MEGF11: variants seen among roughly 807,000 people sequenced by gnomAD.
The protein encoded by MEGF11 is multiple EGF like domains 11.
MEGF11 carries 126 observed loss-of-function variants against 146.6 expected under a neutral mutation model. The observed-to-expected ratio is 0.86, with a 90% CI of 0.74 to 1.00. MEGF11 has a LOEUF of 1.00. Among genes scored for constraint, MEGF11 ranks in the 50% least tolerant of loss-of-function variants. The pLI is 0.00. For missense variants in MEGF11, 1,509 were observed against 1,521.2 expected, an observed-to-expected ratio of 0.99 and a Z score of 0.13; for synonymous variants, 532 against 583.4, an observed-to-expected ratio of 0.91 and a Z score of 1.27.
At chr15:66,232,714 G>T (rs2091993883) in intron 1 of MEGF11, among the ~76,000 whole-genome samples, 1 of 152,148 alleles carries the variant, frequency 6.6e-6, no homozygotes, top group Non-Finnish European at 1.5e-5. Flanking sequence ...TGCGCCAAAT[G>T]AAATGAGTGC....
intron 1 of MEGF11, among the ~76,000 whole-genome samples, chr15:66,194,977 C>A (rs185845255): frequency 6.6e-6 from 1 of 152,126 alleles, no homozygotes; most frequent in African/African-American, 2.4e-5. Flanking sequence ...CCTGCTAGAT[C>A]GTAAGTGGCA....
At chr15:66,248,984 T>G (rs2092334825) in intron 1 of MEGF11, among the ~76,000 whole-genome samples, 1 of 152,250 alleles carries the variant, frequency 6.6e-6, no homozygotes, top group African/African-American at 2.4e-5. Flanking sequence ...AACTCTTTTA[T>G]GGTTCTTTTC....
intron 5 of MEGF11, among the ~76,000 whole-genome samples, chr15:65,994,527 T>C (rs1305721292): frequency 6.6e-6 from 1 of 151,192 alleles, no homozygotes; most frequent in East Asian, 1.9e-4. Flanking sequence ...GAAAGAGGAG[T>C]GAGAGAGGAG....
intron 1 of MEGF11, among the ~76,000 whole-genome samples, chr15:66,203,370 G>T (rs1407109722): frequency 2.0e-5 from 3 of 152,224 alleles, no homozygotes; most frequent in Non-Finnish European, 4.4e-5. Context: ...GGCTTCTCAA[G>T]AAACAGCATG....
Position 65,916,885 on chromosome 15 carries a change from CGCTGCAGCTCGCCCCGTTGTGGCA to C in MEGF11, c.2134_2157del (p.Cys712_Ser719del). 1 of 1,584,916 alleles carries C rather than the reference CGCTGCAGCTCGCCCCGTTGTGGCA, an allele frequency of 6.3e-7. No homozygotes were observed. On this transcript the variant is annotated inframe_deletion, in exon 17 of 26. Coordinates refer to ENST00000395614, the MANE Select transcript of MEGF11 (RefSeq NM_001385028.1). ...GTGCAGTGGCAGGCCCCGTCCTCGG[CGCTGCAGCTCGCCCCGTTGTGGCA>C]GCTGCATGCGTGGAAGCAGGCGGGG...
chr15:66,156,524 C>A (rs1181899483), intron 1 of MEGF11, among the ~76,000 whole-genome samples: 1 of 152,042 alleles, frequency 6.6e-6, no homozygotes, highest in African/African-American at 2.4e-5. Context: ...TGTGCTCGGC[C>A]ACCACTCCCT....
At chr15:66,156,287 C>G (rs1409741337) in intron 1 of MEGF11, among the ~76,000 whole-genome samples, 2 of 152,124 alleles carry the variant, frequency 1.3e-5, no homozygotes, top group Non-Finnish European at 2.9e-5. Context: ...ATAGCTCCCA[C>G]CACCTTTCCA....
In MEGF11 at chr15:65,942,974, CTTTTTTTTTTT is replaced by C. The variant is rs58874869; in HGVS notation, c.1288-12042_1288-12032del. Among the ~76,000 whole-genome samples, 98 of 47,630 alleles carry C rather than the reference CTTTTTTTTTTT, an allele frequency of 2.1e-3. No individual in the cohort carries two copies. In the East Asian group the frequency reaches 0.034, roughly 17 times the overall value. The allele number at this position is 47,630 out of a possible 152,430, so 31.2% of individuals were successfully genotyped here. A position where few individuals can be genotyped will look rare whatever the true frequency, so the allele number is the denominator to read the frequency against. ...AAACAAAAACAAAAAAACAACTTGGCTTTTTTTTTTTTTTTTTTTTTTTTTTTTTTAACACG... is the reference window on the plus strand; with the variant it reads ...AAACAAAAACAAAAAAACAACTTGGCTTTTTTTTTTTTTTTTTTTAACACG... On this transcript the variant is annotated intron_variant, in intron 10 of 25. Transcript: ENST00000395614.
intron 5 of MEGF11, among the ~76,000 whole-genome samples, chr15:66,023,140 C>CAAA (rs375962533): frequency 0.79 from 96,968 of 123,520 alleles, 38,796 homozygotes; most frequent in East Asian, 0.91. Context: ...GACTCCATCT[C>CAAA]AAAAAAAAAA....
At chr15:65,997,620 T>G (rs2082240948) in intron 5 of MEGF11, among the ~76,000 whole-genome samples, 1 of 152,230 alleles carries the variant, frequency 6.6e-6, no homozygotes, top group African/African-American at 2.4e-5. Context: ...ATCCTTTTGT[T>G]TACTGTCTGG....
chr15:65,962,166 CAAGAG>C (rs1453972118), intron 9 of MEGF11, among the ~76,000 whole-genome samples: 1 of 152,134 alleles, frequency 6.6e-6, no homozygotes, highest in Non-Finnish European at 1.5e-5. Context: ...TCTTGAATCT[CAAGAG>C]AAGACTCTAT....
chr15:65,948,438 C>T (rs1435847800), intron 10 of MEGF11, among the ~76,000 whole-genome samples: 1 of 152,150 alleles, frequency 6.6e-6, no homozygotes, highest in Admixed American at 6.5e-5. Flanking sequence ...AGTGCGCATA[C>T]CGACCCCGAA....
intron 1 of MEGF11, among the ~76,000 whole-genome samples, chr15:66,249,311 C>T (rs1470525401): frequency 6.6e-6 from 1 of 152,106 alleles, no homozygotes; most frequent in East Asian, 1.9e-4. Flanking sequence ...GAGAAGCAAT[C>T]TCTCTTTCAG....
At chr15:66,057,777 A>T (rs1288004295) in intron 5 of MEGF11, among the ~76,000 whole-genome samples, 1 of 152,202 alleles carries the variant, frequency 6.6e-6, no homozygotes, top group Non-Finnish European at 1.5e-5. Context: ...TTCATCATAA[A>T]AAAGGAAACA....
intron 1 of MEGF11, among the ~76,000 whole-genome samples, chr15:66,165,327 G>T (rs1276674020): frequency 6.6e-6 from 1 of 152,158 alleles, no homozygotes; most frequent in African/African-American, 2.4e-5. Context: ...CGGACTCACA[G>T]GGTTGGTGCA....
At chr15:65,903,413 G>A (rs1567147697) in intron 24 of MEGF11, among the ~76,000 whole-genome samples, 1 of 152,190 alleles carries the variant, frequency 6.6e-6, no homozygotes, top group African/African-American at 2.4e-5. Context: ...CTTAACCTCC[G>A]GGATGACAGT....
intron 7 of MEGF11, among the ~76,000 whole-genome samples, chr15:65,974,653 T>C (rs2081394218): frequency 6.6e-6 from 1 of 151,968 alleles, no homozygotes; most frequent in African/African-American, 2.4e-5. Context: ...AGACTCCATC[T>C]CAAAAGAAAA....
intron 5 of MEGF11, among the ~76,000 whole-genome samples, chr15:66,016,158 A>G (rs1054069482): frequency 6.6e-6 from 1 of 152,088 alleles, no homozygotes; most frequent in African/African-American, 2.4e-5. Flanking sequence ...TCATCACTAT[A>G]TGGCCAATCT....
At chr15:66,046,365 G>A (rs1339992941) in intron 5 of MEGF11, among the ~76,000 whole-genome samples, 3 of 152,168 alleles carry the variant, frequency 2.0e-5, no homozygotes, top group African/African-American at 7.2e-5. Context: ...TTAACCTAAT[G>A]GAGGAAGCAC....
Sources: allele counts gnomAD v4.1 joint callset (sites outside exome capture counted in the v4.1 genomes callset), GRCh38; gene constraint gnomAD v4.1.1; transcripts MANE v1.5; gene names NCBI Gene and HGNC (gene_info 2026-07-23, HGNC 2026-07-21).